Variants in OR2A14 observed in about 807,000 individuals in gnomAD.
The protein encoded by OR2A14 is olfactory receptor 2A14.
OR2A14 carries 2 observed loss-of-function variants against 2.4 expected under a neutral mutation model. The ratio of observed to expected loss-of-function variants is 0.85; its 90% CI spans 0.35 to 2.67. The LOEUF is 2.67. Ranked by LOEUF, OR2A14 falls within the 30% of genes most tolerant of loss-of-function variation. The probability of loss-of-function intolerance (pLI) is 0.10; values close to 1 mark genes in which losing one functional copy is unlikely to be tolerated. For synonymous variants in OR2A14, 160 were observed against 156.3 expected, an observed-to-expected ratio of 1.02 and a Z score of -0.18; for missense variants, 390 against 379.4, an observed-to-expected ratio of 1.03 and a Z score of -0.23.
rs563794451 is a variant in OR2A14 at position 144,126,574 on chromosome 7, G to A, written c.-34-2505G>A. 2.6e-5 allele frequency among the ~76,000 whole-genome samples: 4 copies of A among 152,094 alleles called. No individual in the cohort carries two copies. In the East Asian group the frequency reaches 7.8e-4, roughly 30 times the overall value. On this transcript the variant is annotated intron_variant, in intron 1 of 1. Coordinates refer to ENST00000641068, the MANE Select transcript of OR2A14 (RefSeq NM_001001659.3). The stretch of plus-strand genomic sequence containing the variant: ...TTTTCCAACCATCCCATCTAAAGGA[G>A]ACCCCCCTCAAATCAAGTAGCTTTC...
intron 1 of OR2A14, among the ~76,000 whole-genome samples, chr7:144,125,500 A>C (rs1458298818): frequency 6.6e-6 from 1 of 152,232 alleles, no homozygotes; most frequent in Non-Finnish European, 1.5e-5. Context: ...GCCAATAAAT[A>C]AAAGGAAAAA....
Position 144,130,053 on chromosome 7 carries a change from C to T in OR2A14, c.*8C>T, listed in dbSNP as rs372687528. 6.2e-7 allele frequency: 1 copy of T among 1,600,896 alleles called. No individual in the cohort carries two copies. The highest frequency in any genetic ancestry group is 1.7e-5 in the Admixed American group (1 of 58,558). On this transcript the variant is annotated 3_prime_UTR_variant, in exon 2 of 2. Coordinates refer to ENST00000641068, the MANE Select transcript of OR2A14 (RefSeq NM_001001659.3). The stretch of plus-strand genomic sequence containing the variant: ...AAGGAGAGGCTGACGTGAGACATCT[C>T]AAAGGGAACCATGGGGAGGGAGCCT...
rs1489347275 is a variant in OR2A14 at position 144,123,230 on chromosome 7, G to C, written c.-69G>C. Reference sequence around the variant, plus strand: ...TTTGAGGTTCCTAGCAAGCCCAAGGGTATGTTAGAAGAAAAGACCACAGAT... The same window carrying C: ...TTTGAGGTTCCTAGCAAGCCCAAGGCTATGTTAGAAGAAAAGACCACAGAT... On this transcript the variant is annotated 5_prime_UTR_variant, in exon 1 of 2. Coordinates refer to ENST00000641068, the MANE Select transcript of OR2A14 (RefSeq NM_001001659.3). 2.0e-5 allele frequency: 3 copies of C among 152,154 alleles called. No homozygotes were observed. Among genetic ancestry groups the C allele is most frequent in the Admixed American group, 2.0e-4 (3 of 15,280 alleles). The allele number at this position is 152,154 out of a possible 1,614,324, so 9.4% of individuals were successfully genotyped here. A position where few individuals can be genotyped will look rare whatever the true frequency, so the allele number is the denominator to read the frequency against.
intron 1 of OR2A14, among the ~76,000 whole-genome samples, chr7:144,125,017 G>T (rs946752548): frequency 6.6e-6 from 1 of 151,996 alleles, no homozygotes; most frequent in Admixed American, 6.6e-5. Flanking sequence ...TCAATTTTAC[G>T]ATCTCTTTAA....
rs765634932 is a variant in OR2A14, at chr7:144,129,726, T to A, written c.614T>A (p.Ile205Asn). 3 of 1,614,080 alleles carry A rather than the reference T, an allele frequency of 1.9e-6. No homozygotes were observed. The South Asian group carries it at 3.3e-5, about 18-fold the overall frequency. Residue 205 changes from isoleucine (I) to asparagine (N), a missense_variant, in exon 2 of 2, where the codon ATC becomes AAC. Ile to Asn is a moderately radical substitution (Grantham distance 149, BLOSUM62 -3). Transcript: ENST00000641068. Reference sequence around the variant, plus strand: ...GTCATCTTTGCAGCCTGCGTGTTCATCCTGGTGGGGCCACTCTGCCTGGTG... The same window carrying A: ...GTCATCTTTGCAGCCTGCGTGTTCAACCTGGTGGGGCCACTCTGCCTGGTG... ...QVVIFAACVFILVGPLCLVLV... is the reference protein window; with the variant it reads ...QVVIFAACVFNLVGPLCLVLV...
intron 1 of OR2A14, among the ~76,000 whole-genome samples, chr7:144,128,584 A>G (rs748849875): frequency 9.2e-5 from 14 of 152,250 alleles, no homozygotes; most frequent in Non-Finnish European, 1.5e-4. Flanking sequence ...ATAAGTGGGT[A>G]GAAAAGCCTG....
Position 144,129,384 on chromosome 7 carries a change from T to A in OR2A14, c.272T>A (p.Ile91Asn). Residue 91 changes from isoleucine (I) to asparagine (N), a missense_variant, in exon 2 of 2, where the codon ATC becomes AAC. By Grantham distance (149) the Ile-to-Asn change is moderately radical (BLOSUM62 -3). Transcript: ENST00000641068. ...AATCTTATGAACCAGGAAAGCACCA[T>A]CTCCTTTTTTCCATGCATAATGCAG... ...LTNLMNQEST[I>N]SFFPCIMQTF... 1 of 1,614,164 alleles carries A rather than the reference T, an allele frequency of 6.2e-7. No homozygotes were observed. The highest frequency in any genetic ancestry group is 1.7e-5 in the Admixed American group (1 of 60,026).
Position 144,130,474 on chromosome 7 carries a change from T to G in OR2A14, c.*429T>G, listed in dbSNP as rs568791011. 1 of 156,124 alleles carries G rather than the reference T, an allele frequency of 6.4e-6. No homozygotes were observed. Among genetic ancestry groups the G allele is most frequent in the South Asian group, 1.9e-4 (1 of 5,212 alleles). 9.7% of individuals were successfully genotyped at this position (156,124 alleles called of 1,614,324 possible). ...AATAAAAAATATAAACAACCAAATT[T>G]TATAAAATTAGCAAAACATGTGAAC... On this transcript the variant is annotated 3_prime_UTR_variant, in exon 2 of 2. Coordinates refer to ENST00000641068, the MANE Select transcript of OR2A14 (RefSeq NM_001001659.3).
In OR2A14 at chr7:144,128,990, G is replaced by A. The variant is rs1369912996; in HGVS notation, c.-34-89G>A. 3.0e-5 allele frequency: 24 copies of A among 790,206 alleles called. No homozygotes were observed. In the East Asian group the frequency reaches 6.4e-4, roughly 21 times the overall value. The allele number at this position is 790,206 out of a possible 1,614,324, so 48.9% of individuals were successfully genotyped here. A position where few individuals can be genotyped will look rare whatever the true frequency, so the allele number is the denominator to read the frequency against. The stretch of plus-strand genomic sequence containing the variant: ...TTTATGAGCACACTTGGTTAGTTTT[G>A]GCAACATATCTGAGAATAAATTCTA... On this transcript the variant is annotated intron_variant, in intron 1 of 1. Coordinates refer to ENST00000641068, the MANE Select transcript of OR2A14 (RefSeq NM_001001659.3).
At chr7:144,124,125 C>G (rs1221840351) in intron 1 of OR2A14, among the ~76,000 whole-genome samples, 1 of 152,160 alleles carries the variant, frequency 6.6e-6, no homozygotes, top group African/African-American at 2.4e-5. Context: ...GATCTGAACC[C>G]AGGCTGCAGG....
chr7:144,128,108 G>T (rs1180616317), intron 1 of OR2A14, among the ~76,000 whole-genome samples: 3 of 152,144 alleles, frequency 2.0e-5, no homozygotes, highest in Non-Finnish European at 4.4e-5. Context: ...CCATAGCTGG[G>T]AATATATTGA....
chr7:144,127,999 C>T (rs1034084018), intron 1 of OR2A14, among the ~76,000 whole-genome samples: 6 of 152,170 alleles, frequency 3.9e-5, no homozygotes, highest in African/African-American at 1.4e-4. Flanking sequence ...CCATCCCCAT[C>T]ACATGCTCAG....
At position 144,130,139 on chromosome 7, in the gene OR2A14, A is replaced by T. The variant is rs1158858321; in HGVS notation, c.*94A>T. On this transcript the variant is annotated 3_prime_UTR_variant, in exon 2 of 2. Coordinates refer to ENST00000641068, the MANE Select transcript of OR2A14 (RefSeq NM_001001659.3). ...TTTGTCTTCTGCTAGAATAAATGCT[A>T]CCTTAAACTGGAATACTATAGACCT... 1.4e-5 allele frequency: 13 copies of T among 959,492 alleles called. No individual in the cohort carries two copies. The highest frequency in any genetic ancestry group is 1.9e-5 in the Non-Finnish European group (12 of 634,076). 59.4% of individuals were successfully genotyped at this position (959,492 alleles called of 1,614,324 possible).
intron 1 of OR2A14, 86 bp from the exon 2 acceptor site, chr7:144,128,993 A>G (rs2051505011): frequency 1.2e-6 from 1 of 841,196 alleles, no homozygotes; most frequent in Non-Finnish European, 1.8e-6. Context: ...TAGTTTTGGC[A>G]ACATATCTGA....
In OR2A14 at chr7:144,129,440, G is replaced by A. The variant is rs372050427; in HGVS notation, c.328G>A (p.Glu110Lys). Reference protein sequence around the residue: ...TFLYLAFAHVECLILVVMSYD... With the variant: ...TFLYLAFAHVKCLILVVMSYD... The stretch of plus-strand genomic sequence containing the variant: ...CTTGTATTTGGCTTTTGCTCACGTA[G>A]AGTGTCTGATTTTGGTGGTGATGTC... Residue 110 changes from glutamate to lysine, a missense_variant, in exon 2 of 2, where the codon GAG becomes AAG. Transcript: ENST00000641068. The A allele has an allele frequency of 1.2e-6, 2 of 1,614,004 alleles. No individual in the cohort carries two copies. The highest frequency in any genetic ancestry group is 1.7e-6 in the Non-Finnish European group (2 of 1,179,974).
chr7:144,130,196 GAAAA>G lies in OR2A14; in HGVS notation c.*152_*155del. 1.7e-6 allele frequency: 1 copy of G among 576,902 alleles called. No homozygotes were observed. The highest frequency in any genetic ancestry group is 2.9e-5 in the East Asian group (1 of 35,042). 35.7% of individuals were successfully genotyped at this position (576,902 alleles called of 1,614,324 possible). On this transcript the variant is annotated 3_prime_UTR_variant, in exon 2 of 2. Transcript: ENST00000641068. ...ATAAACTGAAGACACAAATCTTTTA[GAAAA>G]GATAGGTAAATGCATTTATAATACT...
intron 1 of OR2A14, among the ~76,000 whole-genome samples, chr7:144,128,800 C>T (rs1449371566): frequency 2.0e-5 from 3 of 152,178 alleles, no homozygotes; most frequent in Non-Finnish European, 4.4e-5. Flanking sequence ...CAAAATAACA[C>T]ATGTGCGTGT....
intron 1 of OR2A14, among the ~76,000 whole-genome samples, chr7:144,127,034 A>G (rs2051486682): frequency 6.6e-6 from 1 of 152,172 alleles, no homozygotes; most frequent in Non-Finnish European, 1.5e-5. Flanking sequence ...CTCTAAAACA[A>G]TTTTATCCAG....
chr7:144,127,432 C>G (rs2051489507), intron 1 of OR2A14, among the ~76,000 whole-genome samples: 2 of 152,158 alleles, frequency 1.3e-5, no homozygotes, highest in Non-Finnish European at 2.9e-5. Context: ...TATTTAGCAT[C>G]TGCAATTTCA....
Sources: gnomAD v4.1 joint callset for allele counts (sites outside exome capture counted in the v4.1 genomes callset) on GRCh38, gnomAD v4.1.1 for gene constraint, MANE v1.5 for transcripts, NCBI Gene and HGNC (gene_info 2026-07-23, HGNC 2026-07-21) for gene names.